DNAJC13: variants seen among roughly 807,000 people sequenced by gnomAD.
DNAJC13 encodes DnaJ heat shock protein family (Hsp40) member C13.
A neutral mutation model predicts 290.5 loss-of-function variants in DNAJC13; 75 were observed. The ratio of observed to expected loss-of-function variants is 0.26; its 90% CI spans 0.21 to 0.31. DNAJC13 has a LOEUF of 0.31. Among genes scored for constraint, DNAJC13 ranks in the 10% least tolerant of loss-of-function variants. The pLI is 1.00. For missense variants in DNAJC13, 2,260 were observed against 2,674.5 expected (o/e 0.85, Z 3.42); for synonymous variants, 862 against 892.0 (o/e 0.97, Z 0.60).
At chr3:132,498,493 T>C (rs915981290) in intron 36 of DNAJC13, among the ~76,000 whole-genome samples, 8 of 152,142 alleles carry the variant, frequency 5.3e-5, no homozygotes, top group African/African-American at 1.7e-4. Context: ...AGAAAGTAGG[T>C]ATTCTGCAAA....
chr3:132,498,036 CTT>C (rs1559898869), intron 36 of DNAJC13, among the ~76,000 whole-genome samples: 2 of 152,172 alleles, frequency 1.3e-5, no homozygotes, highest in South Asian at 4.1e-4. Flanking sequence ...ATTTGCATCT[CTT>C]TGCCTAATAG....
Position 132,514,672 on chromosome 3 carries a change from T to A in DNAJC13, c.5485+2T>A, listed in dbSNP as rs1238719500. 6 of 1,603,530 alleles carry A rather than the reference T, an allele frequency of 3.7e-6. No individual in the cohort carries two copies. The highest frequency in any genetic ancestry group is 5.1e-6 in the Non-Finnish European group (6 of 1,173,288). On this transcript the variant is annotated splice_donor_variant, in intron 46 of 55. Transcript: ENST00000260818. LOFTEE classifies it high-confidence loss of function. ...CTCTTCTACATTCATTGCCATCAAG[T>A]ATGTATACAGATGGAATTTTGGAAA...
chr3:132,506,043 A>ATTTTTTTTT (rs1426895687), intron 42 of DNAJC13, among the ~76,000 whole-genome samples: 7 of 53,188 alleles, frequency 1.3e-4, no homozygotes, highest in Admixed American at 1.8e-4. Flanking sequence ...TCTGTACATT[A>ATTTTTTTTT]TCTTTTTTTT....
chr3:132,495,449 T>A (rs1427985804), intron 35 of DNAJC13, among the ~76,000 whole-genome samples: 1 of 152,116 alleles, frequency 6.6e-6, no homozygotes, highest in Non-Finnish European at 1.5e-5. Flanking sequence ...TAAGAATAAT[T>A]GAAAATAAGG....
chr3:132,418,187 C>A (rs1559860122), intron 1 of DNAJC13, among the ~76,000 whole-genome samples: 1 of 152,168 alleles, frequency 6.6e-6, no homozygotes, highest in Admixed American at 6.5e-5. Flanking sequence ...CCGAACAAGT[C>A]CTGCAGACTG....
chr3:132,447,507 C>A, intron 4 of DNAJC13, 37 bp downstream of exon 4: 1 of 1,503,886 alleles, frequency 6.6e-7, no homozygotes, highest in Non-Finnish European at 8.8e-7. Flanking sequence ...AAATTTCTTT[C>A]TTCTCTTTTT....
At chr3:132,423,123 C>T (rs1476442070) in intron 1 of DNAJC13, among the ~76,000 whole-genome samples, 3 of 152,018 alleles carry the variant, frequency 2.0e-5, no homozygotes, top group Admixed American at 6.6e-5. Context: ...TGAGCAACCC[C>T]GTCTCATCAA....
intron 48 of DNAJC13, among the ~76,000 whole-genome samples, chr3:132,519,818 C>T (rs866088487): frequency 2.6e-5 from 4 of 152,096 alleles, no homozygotes; most frequent in Admixed American, 1.3e-4. Context: ...AAGGGCTTCA[C>T]GCTGCTGATG....
intron 51 of DNAJC13, among the ~76,000 whole-genome samples, chr3:132,524,652 A>G (rs532757025): frequency 2.4e-4 from 37 of 152,248 alleles, no homozygotes; most frequent in Non-Finnish European, 4.6e-4. Flanking sequence ...TACTTTCCAT[A>G]GTCATATTCC....
chr3:132,455,433 T>C (rs1028146623), intron 9 of DNAJC13, among the ~76,000 whole-genome samples: 2 of 152,204 alleles, frequency 1.3e-5, no homozygotes, highest in South Asian at 4.1e-4. Flanking sequence ...AGTTTGATAA[T>C]TTCTTAAAAG....
intron 51 of DNAJC13, chr3:132,524,135 G>C (rs1274297766): frequency 6.5e-6 from 1 of 154,176 alleles, no homozygotes; most frequent in African/African-American, 2.4e-5. Context: ...TGACAGAAGA[G>C]TAGTAACTAT....
intron 55 of DNAJC13, among the ~76,000 whole-genome samples, chr3:132,534,802 T>C (rs561521285): frequency 6.6e-6 from 1 of 152,200 alleles, no homozygotes; most frequent in African/African-American, 2.4e-5. Context: ...TTAGGTAAAT[T>C]TACTGCCAGT....
rs144801720 is a variant in DNAJC13, at chr3:132,455,791, A to T, written c.933-444A>T. 3.7e-3 allele frequency among the ~76,000 whole-genome samples: 560 copies of T among 152,202 alleles called. 3 individuals carry two copies. The Middle Eastern group carries it at 0.045, about 12-fold the overall frequency. ...AAGTTTCTTTAAAAAGCAAAACTAT[A>T]GAGATAGATCAGTGGTTTCCTGGGG... On this transcript the variant is annotated intron_variant, in intron 9 of 55. Coordinates refer to ENST00000260818, the MANE Select transcript of DNAJC13 (RefSeq NM_015268.4).
At chr3:132,523,479 T>C in intron 50 of DNAJC13, 61 bp from the exon 51 acceptor site, 1 of 1,523,254 alleles carries the variant, frequency 6.6e-7, no homozygotes, top group Non-Finnish European at 8.9e-7. Flanking sequence ...TTTAATATGG[T>C]GTGCATTTCT....
At chr3:132,526,343 C>T (rs1263066454) in intron 53 of DNAJC13, 62 bp downstream of exon 53, 3 of 1,596,586 alleles carry the variant, frequency 1.9e-6, no homozygotes, top group African/African-American at 1.3e-5. Context: ...TAGATTTTTA[C>T]CTATTTGGTA....
intron 2 of DNAJC13, among the ~76,000 whole-genome samples, chr3:132,442,942 A>G (rs1270266039): frequency 6.6e-6 from 1 of 152,220 alleles, no homozygotes; most frequent in Non-Finnish European, 1.5e-5. Flanking sequence ...CTTTAAAGGC[A>G]AGAGCAGGCT....
Position 132,492,411 on chromosome 3 carries a change from T to C in DNAJC13, c.3624-3T>C, listed in dbSNP as rs1490925513. 74 of 1,613,606 alleles carry C rather than the reference T, an allele frequency of 4.6e-5. No homozygotes were observed. Among genetic ancestry groups the C allele is most frequent in the Non-Finnish European group, 5.8e-5 (68 of 1,179,756 alleles). ...GCTTGAATGGAGGTTTTTATGATTG[T>C]AGGCGCCTGATGATAGAGAAGATTG... On this transcript the variant is annotated splice_region_variant and splice_polypyrimidine_tract_variant and intron_variant, in intron 32 of 55. Transcript: ENST00000260818.
At chr3:132,517,043 G>C (rs921431289) in intron 48 of DNAJC13, among the ~76,000 whole-genome samples, 3 of 152,144 alleles carry the variant, frequency 2.0e-5, no homozygotes, top group Admixed American at 2.0e-4. Context: ...GAGAATGTTT[G>C]GATTAAGATA....
At position 132,502,948 on chromosome 3, in the gene DNAJC13, A is replaced by G. The variant is rs895241205; in HGVS notation, c.4717-266A>G. ...CCCCTACTCCCCACATTACCACCAA[A>G]TGTGCTTCTTCCAGTTGTCTGTGAG... is the stretch of plus-strand genomic sequence containing the variant. On this transcript the variant is annotated intron_variant, in intron 40 of 55. Transcript: ENST00000260818. Among the ~76,000 whole-genome samples the G allele has an allele frequency of 2.0e-5, 3 of 152,144 alleles. No individual in the cohort carries two copies. In the South Asian group the frequency reaches 6.2e-4, roughly 32 times the overall value.
Sources: gnomAD v4.1 joint callset for allele counts (sites outside exome capture counted in the v4.1 genomes callset) on GRCh38, gnomAD v4.1.1 for gene constraint, MANE v1.5 for transcripts, NCBI Gene and HGNC (gene_info 2026-07-23, HGNC 2026-07-21) for gene names.